Variants in IFT80 observed in about 807,000 individuals in gnomAD.
IFT80 encodes the protein intraflagellar transport 80.
A neutral mutation model predicts 107.9 loss-of-function variants in IFT80; 79 were observed. The ratio of observed to expected loss-of-function variants is 0.73; its 90% CI spans 0.61 to 0.88. The LOEUF is 0.88. Among genes scored for constraint, IFT80 ranks in the 40% least tolerant of loss-of-function variants. The pLI is 0.00. For synonymous variants in IFT80, 299 were observed against 300.9 expected, an observed-to-expected ratio of 0.99 and a Z score of 0.07; for missense variants, 797 against 914.2, an observed-to-expected ratio of 0.87 and a Z score of 1.65.
intron 13 of IFT80, among the ~76,000 whole-genome samples, chr3:160,285,225 T>A (rs1033412641): frequency 2.0e-5 from 3 of 152,066 alleles, no homozygotes; most frequent in Non-Finnish European, 4.4e-5. Flanking sequence ...AAATATATAA[T>A]TTTGAGTAAC....
chr3:160,342,235 C>G (rs879263274), intron 8 of IFT80, among the ~76,000 whole-genome samples: 1 of 152,070 alleles, frequency 6.6e-6, no homozygotes, highest in Admixed American at 6.6e-5. Flanking sequence ...CCAGAAGAGG[C>G]CTTTGACTTT....
chr3:160,333,083 C>G (rs549524196), intron 8 of IFT80, among the ~76,000 whole-genome samples: 57 of 152,246 alleles, frequency 3.7e-4, no homozygotes, highest in Admixed American at 5.9e-4. Flanking sequence ...TTACTGAATA[C>G]TATAGGAAAC....
At chr3:160,383,731 T>C in intron 2 of IFT80, 1 of 985,290 alleles carries the variant, frequency 1.0e-6, no homozygotes, top group Middle Eastern at 5.2e-4. Flanking sequence ...GCCTGTCATA[T>C]CTCCTTGACA....
chr3:160,296,510 T>C (rs1576768012), intron 12 of IFT80, among the ~76,000 whole-genome samples: 1 of 151,654 alleles, frequency 6.6e-6, no homozygotes, highest in South Asian at 2.1e-4. Flanking sequence ...CCCCACTTTC[T>C]CCTGCACCTT....
intron 9 of IFT80, among the ~76,000 whole-genome samples, chr3:160,319,018 C>T (rs1178623793): frequency 6.6e-6 from 1 of 151,986 alleles, no homozygotes; most frequent in Admixed American, 6.6e-5. Context: ...CAGCTTATTA[C>T]CACTAGATCA....
intron 4 of IFT80, among the ~76,000 whole-genome samples, chr3:160,376,489 C>T (rs888913471): frequency 1.3e-5 from 2 of 152,210 alleles, no homozygotes; most frequent in African/African-American, 2.4e-5. Context: ...GGCCAATTCA[C>T]TGAGGAAAGT....
intron 1 of IFT80, among the ~76,000 whole-genome samples, chr3:160,398,047 A>G (rs949485013): frequency 3.9e-5 from 6 of 152,182 alleles, no homozygotes; most frequent in African/African-American, 1.4e-4. Flanking sequence ...CCTCAAAGAT[A>G]ATCCTTATAT....
intron 8 of IFT80, among the ~76,000 whole-genome samples, chr3:160,323,096 C>T (rs1482871553): frequency 6.7e-6 from 1 of 150,188 alleles, no homozygotes; most frequent in African/African-American, 2.4e-5. Context: ...GTGTTTTAGA[C>T]ATGAAGTCCT....
chr3:160,302,618 G>A (rs1038681015), intron 11 of IFT80, among the ~76,000 whole-genome samples: 3 of 151,808 alleles, frequency 2.0e-5, no homozygotes, highest in Non-Finnish European at 4.4e-5. Flanking sequence ...TTTATTAAGA[G>A]TATATTCAAT....
At chr3:160,259,406 T>G (rs1050487055) in intron 19 of IFT80, among the ~76,000 whole-genome samples, 1 of 152,166 alleles carries the variant, frequency 6.6e-6, no homozygotes, top group Non-Finnish European at 1.5e-5. Context: ...TCTTATATAC[T>G]GCAGTTTCCA....
Position 160,258,727 on chromosome 3 carries a change from T to C in IFT80, c.2224-92A>G. The C allele has an allele frequency of 2.8e-6, 4 of 1,425,348 alleles. No individual in the cohort carries two copies. In the South Asian group the frequency reaches 3.7e-5, roughly 13 times the overall value. 88.3% of individuals were successfully genotyped at this position (1,425,348 alleles called of 1,614,324 possible). On this transcript the variant is annotated intron_variant, in intron 19 of 19. Coordinates refer to ENST00000326448, the MANE Select transcript of IFT80 (RefSeq NM_020800.3). ...TAACTAAGAGTAAACAGATAGACTG[T>C]GTGACTTCCAAAAGATTAGAGAAAA...
At chr3:160,376,289 T>C (rs181085592) in intron 4 of IFT80, among the ~76,000 whole-genome samples, 1 of 152,300 alleles carries the variant, frequency 6.6e-6, no homozygotes, top group East Asian at 1.9e-4. Flanking sequence ...CTGAATGAAG[T>C]GAGGTAATAG....
intron 19 of IFT80, among the ~76,000 whole-genome samples, chr3:160,266,796 C>G (rs989781889): frequency 6.6e-6 from 1 of 152,012 alleles, no homozygotes; most frequent in Non-Finnish European, 1.5e-5. Context: ...ATACAATAAA[C>G]AAGGTGGGTG....
At chr3:160,395,511 G>A (rs1372516666) in intron 1 of IFT80, among the ~76,000 whole-genome samples, 1 of 152,188 alleles carries the variant, frequency 6.6e-6, no homozygotes, top group Non-Finnish European at 1.5e-5. Flanking sequence ...CCAGACTTAA[G>A]CCAATTAGAG....
At chr3:160,381,392 A>T (rs1431767156) in intron 3 of IFT80, 111 bp downstream of exon 3, 22 of 814,306 alleles carry the variant, frequency 2.7e-5, no homozygotes, top group Non-Finnish European at 4.6e-5. Flanking sequence ...TATGTGGATA[A>T]AAATATGCAG....
intron 9 of IFT80, among the ~76,000 whole-genome samples, chr3:160,308,644 A>G (rs976118133): frequency 1.3e-5 from 2 of 152,204 alleles, no homozygotes; most frequent in Non-Finnish European, 2.9e-5. Flanking sequence ...ATTTTTCTAA[A>G]TATAATGTGA....
chr3:160,284,588 TA>T (rs1714942622), intron 13 of IFT80, among the ~76,000 whole-genome samples: 1 of 152,186 alleles, frequency 6.6e-6, no homozygotes, highest in African/African-American at 2.4e-5. Flanking sequence ...ATTTCAAGAA[TA>T]AATTTCACAG....
chr3:160,259,326 G>A (rs967075753), intron 19 of IFT80, among the ~76,000 whole-genome samples: 4 of 152,162 alleles, frequency 2.6e-5, no homozygotes, highest in Non-Finnish European at 5.9e-5. Context: ...GAGATGGACC[G>A]CTGTCTTCCA....
At chr3:160,363,078 G>T (rs1266991977) in intron 6 of IFT80, among the ~76,000 whole-genome samples, 1 of 152,086 alleles carries the variant, frequency 6.6e-6, no homozygotes, top group African/African-American at 2.4e-5. Flanking sequence ...AAGTCAAATT[G>T]TCCCTGTTTG....
Sources: allele counts gnomAD v4.1 joint callset (sites outside exome capture counted in the v4.1 genomes callset), GRCh38; gene constraint gnomAD v4.1.1; transcripts MANE v1.5; gene names NCBI Gene and HGNC (gene_info 2026-07-23, HGNC 2026-07-21).